DMBT1: variants seen among roughly 807,000 people sequenced by gnomAD.
DMBT1 encodes deleted in malignant brain tumors 1.
In DMBT1, 198 loss-of-function variants were observed where a neutral mutation model predicts 252.9. The ratio of observed to expected loss-of-function variants is 0.78; its 90% confidence interval spans 0.70 to 0.88. The LOEUF is 0.88. Ranked by LOEUF, DMBT1 falls within the 40% of genes least tolerant of loss-of-function variation. The probability of loss-of-function intolerance (pLI) is 0.00; values close to 1 mark genes in which losing one functional copy is unlikely to be tolerated. For missense variants in DMBT1, 2,432 were observed against 2,404.7 expected, an observed-to-expected ratio of 1.01 and a Z score of -0.24; for synonymous variants, 990 against 942.7, an observed-to-expected ratio of 1.05 and a Z score of -0.92.
chr10:122,630,519 G>A, intron 48 of DMBT1, 29 bp downstream of exon 48: 2 of 1,606,408 alleles, frequency 1.2e-6, no homozygotes, highest in Non-Finnish European at 8.5e-7. Flanking sequence ...ATGCCTATGA[G>A]GCTTGGTGGA....
At chr10:122,561,733 C>T (rs1591086231) in intron 1 of DMBT1, among the ~76,000 whole-genome samples, 1 of 151,254 alleles carries the variant, frequency 6.6e-6, no homozygotes, top group Non-Finnish European at 1.5e-5. Flanking sequence ...TCTTCCTCCT[C>T]CTCCCTCTGT....
chr10:122,598,777 C>A lies in DMBT1; in HGVS notation c.2960C>A (p.Ser987Tyr). The A allele has an allele frequency of 1.2e-6, 2 of 1,613,090 alleles. No homozygotes were observed. The part of the protein sequence containing the change: ...TITLPASTVG[S>Y]ESSLALRLVN... ...GGATTCTTGTGTTCCCCTGTAGGAT[C>A]TGAATCCAGTTTGGCCCTGAGGCTG... Residue 987 changes from serine (S) to tyrosine (Y), a missense_variant, in exon 26 of 56, where the codon TCT becomes TAT. This residue lies in a region of DMBT1 where 1,264 missense variants were observed against 1,082.2 expected (regional missense o/e 1.17). Coordinates refer to ENST00000338354, the MANE Select transcript of DMBT1 (RefSeq NM_001377530.1).
intron 1 of DMBT1, among the ~76,000 whole-genome samples, chr10:122,565,043 A>AG (rs397777018): frequency 3.9e-5 from 6 of 151,920 alleles, no homozygotes; most frequent in African/African-American, 1.2e-4. Context: ...CTTAAAAAAA[A>AG]TCTTCTTGAA....
chr10:122,638,337 G>GTTTT, intron 54 of DMBT1, among the ~76,000 whole-genome samples: 1 of 135,348 alleles, frequency 7.4e-6, no homozygotes, highest in African/African-American at 2.9e-5. Flanking sequence ...ACACCCGTTT[G>GTTTT]GAGCGGCCAG....
rs779088156 is a variant in DMBT1 at position 122,599,097 on chromosome 10, G to A, written c.3280G>A (p.Ala1094Thr). ...HSEDAGVICSASQSRPTPSPD... is the reference protein window; with the variant it reads ...HSEDAGVICSTSQSRPTPSPD... ...TGAAGACGCTGGTGTCATCTGCTCA[G>A]GTGGGCCTTCAAGAACTTGGGATCA... Residue 1094 changes from alanine (A) to threonine (T), a missense_variant and splice_region_variant, in exon 26 of 56, where the codon GCT (alanine) becomes ACT (threonine). Transcript: ENST00000338354. 32 of 1,613,722 alleles carry A rather than the reference G, an allele frequency of 2.0e-5. No homozygotes were observed. The highest frequency in any genetic ancestry group is 2.2e-5 in the Non-Finnish European group (26 of 1,179,780).
chr10:122,643,148 C>T lies in DMBT1; in HGVS notation c.7379C>T (p.Pro2460Leu). The T allele has an allele frequency of 1.2e-6, 2 of 1,613,886 alleles. No individual in the cohort carries two copies. Among genetic ancestry groups the T allele is most frequent in the South Asian group, 1.1e-5 (1 of 91,072 alleles). The change falls in exon 56 of 56, where the codon CCC (proline) becomes CTC (leucine). Residue 2460 changes from proline to leucine, a missense_variant. Coordinates refer to ENST00000338354, the MANE Select transcript of DMBT1 (RefSeq NM_001377530.1). Reference sequence around the variant, plus strand: ...TGCGTGAGGGATGACACCTACGGACCCTACTCCTCGCCATCTCTTCGCATT... The same window carrying T: ...TGCGTGAGGGATGACACCTACGGACTCTACTCCTCGCCATCTCTTCGCATT... ...SGCVRDDTYGPYSSPSLRIAR... is the reference protein window; with the variant it reads ...SGCVRDDTYGLYSSPSLRIAR...
chr10:122,617,248 G>T lies in DMBT1; in HGVS notation c.4879G>T (p.Ala1627Ser). 6.2e-7 allele frequency: 1 copy of T among 1,609,766 alleles called. No individual in the cohort carries two copies. The highest frequency in any genetic ancestry group is 8.5e-7 in the Non-Finnish European group (1 of 1,178,888). Residue 1627 changes from alanine (A) to serine (S), a missense_variant, in exon 40 of 56, where the codon GCA becomes TCA. Ala to Ser is a moderately conservative substitution (Grantham distance 99, BLOSUM62 1). Coordinates refer to ENST00000338354, the MANE Select transcript of DMBT1 (RefSeq NM_001377530.1). The stretch of plus-strand genomic sequence containing the variant: ...TACAGACACTTGGCCAACCTCTCGT[G>T]CATCAACAGCAGGTAAACAATCCTC... The part of the protein sequence containing the change: ...PSPDTWPTSR[A>S]STAGSESTLA...
rs1313667278 is a variant in DMBT1 at position 122,594,270 on chromosome 10, A to G, written c.2531-226A>G. The stretch of plus-strand genomic sequence containing the variant: ...GGGGCATCCTCTAACAGATAGAAAG[A>G]TACCCCAGGATTAGAGAAATGGAGG... On this transcript the variant is annotated intron_variant, in intron 21 of 55. Transcript: ENST00000338354. Among the ~76,000 whole-genome samples the G allele has an allele frequency of 1.5e-5, 2 of 133,836 alleles. 1 individual carries two copies. Among genetic ancestry groups the G allele is most frequent in the Non-Finnish European group, 3.4e-5 (2 of 59,056 alleles). The allele number at this position is 133,836 out of a possible 152,430, so 87.8% of individuals were successfully genotyped here.
At chr10:122,623,490 C>T (rs1388485992) in intron 44 of DMBT1, among the ~76,000 whole-genome samples, 4 of 152,190 alleles carry the variant, frequency 2.6e-5, no homozygotes, top group Non-Finnish European at 4.4e-5. Flanking sequence ...ACAGTTGCCA[C>T]AGCTGCTGCA....
At chr10:122,601,068 C>T (rs1430097841) in intron 28 of DMBT1, 45 bp downstream of exon 28, 1 of 729,972 alleles carries the variant, frequency 1.4e-6, no homozygotes, top group Non-Finnish European at 2.2e-6. Context: ...TGTCTCTGGA[C>T]ATATTTTGTG....
intron 45 of DMBT1, 128 bp from the exon 46 acceptor site, chr10:122,625,805 C>A: frequency 1.3e-6 from 1 of 792,496 alleles, no homozygotes; most frequent in Non-Finnish European, 2.2e-6. Flanking sequence ...ACAGTGTAAA[C>A]TGGAATGGTC....
intron 1 of DMBT1, among the ~76,000 whole-genome samples, chr10:122,562,287 G>A (rs1565503475): frequency 6.6e-6 from 1 of 151,850 alleles, no homozygotes; most frequent in Admixed American, 6.6e-5. Flanking sequence ...GGTAACTTCT[G>A]GAACTGTCAC....
chr10:122,591,487 T>C lies in DMBT1; in HGVS notation c.2146T>C (p.Ser716Pro). The C allele has an allele frequency of 6.3e-7, 1 of 1,587,732 alleles. No individual in the cohort carries two copies. Among genetic ancestry groups the C allele is most frequent in the Non-Finnish European group, 8.6e-7 (1 of 1,165,138 alleles). Residue 716 changes from serine to proline, a missense_variant, in exon 19 of 56, where the codon TCG becomes CCG. Physicochemically the swap from Ser to Pro is moderately conservative, Grantham distance 74. Transcript: ENST00000338354. ...SRSTPRPDTLSTITLPPSTVG... is the reference protein window; with the variant it reads ...SRSTPRPDTLPTITLPPSTVG... The stretch of plus-strand genomic sequence containing the variant: ...TTTGTTGCAATTTACAGACACGTTG[T>C]CGACCATCACGTTACCTCCATCGAC...
chr10:122,620,976 A>C, intron 43 of DMBT1, 81 bp from the exon 44 acceptor site: 1 of 1,588,606 alleles, frequency 6.3e-7, no homozygotes. Context: ...GGCCATTAGG[A>C]AGTGCCCTGA....
chr10:122,572,247 AG>A (rs2097670848), intron 4 of DMBT1, 66 bp from the exon 5 acceptor site: 2 of 1,596,048 alleles, frequency 1.3e-6, no homozygotes, highest in Admixed American at 3.3e-5. Context: ...GACCTGAGGA[AG>A]CCATGGACCA....
In DMBT1 at chr10:122,590,577, G is replaced by A; in HGVS notation, c.2108-88G>A. On this transcript the variant is annotated intron_variant, in intron 17 of 55. Coordinates refer to ENST00000338354, the MANE Select transcript of DMBT1 (RefSeq NM_001377530.1). ...TGATGGGGACATAGGGTGGACTGAAGGCGCTACCAGTTTAGTTCCTTGTAC... is the reference window on the plus strand; with the variant it reads ...TGATGGGGACATAGGGTGGACTGAAAGCGCTACCAGTTTAGTTCCTTGTAC... The A allele has an allele frequency of 2.7e-6, 4 of 1,460,864 alleles. 1 individual carries two copies. Among genetic ancestry groups the A allele is most frequent in the Non-Finnish European group, 3.8e-6 (4 of 1,051,250 alleles). The allele number at this position is 1,460,864 out of a possible 1,614,324, so 90.5% of individuals were successfully genotyped here.
rs760842026 is a variant in DMBT1, at chr10:122,643,292, T to C, written c.7523T>C (p.Val2508Ala). 2 of 1,613,874 alleles carry C rather than the reference T, an allele frequency of 1.2e-6. No individual in the cohort carries two copies. Among genetic ancestry groups the C allele is most frequent in the East Asian group, 4.5e-5 (2 of 44,862 alleles). ...TCTTCCCGCTGCTACCGAGGCTGTG[T>C]GTTGAGGTCGAAGAGGGATGTGGGC... is the stretch of plus-strand genomic sequence containing the variant. ...DPSSRCYRGCVLRSKRDVGSY... is the reference protein window; with the variant it reads ...DPSSRCYRGCALRSKRDVGSY... Residue 2508 changes from valine to alanine, a missense_variant, in exon 56 of 56, where the codon GTG (valine) becomes GCG (alanine). Transcript: ENST00000338354.
chr10:122,635,323 T>A (rs1439336322), intron 52 of DMBT1, among the ~76,000 whole-genome samples: 1 of 152,216 alleles, frequency 6.6e-6, no homozygotes, highest in African/African-American at 2.4e-5. Context: ...TTCATGCATA[T>A]TGATTTTATT....
In DMBT1 at chr10:122,579,768, C is replaced by T. The variant is rs778767491; in HGVS notation, c.870C>T (p.Gly290=). 1.2e-5 allele frequency: 19 copies of T among 1,613,792 alleles called. No individual in the cohort carries two copies. The highest frequency in any genetic ancestry group is 4.4e-5 in the South Asian group (4 of 91,068). Residue 290 remains glycine, a synonymous_variant, in exon 10 of 56, where the codon GGC becomes GGT. Coordinates refer to ENST00000338354, the MANE Select transcript of DMBT1 (RefSeq NM_001377530.1). The part of the protein sequence containing the change: ...AMSAPGNAQF[G]QGSGPIVLDD... The stretch of plus-strand genomic sequence containing the variant: ...CAGCCCCAGGAAATGCCCAGTTTGG[C>T]CAGGGCTCAGGACCCATTGTCCTGG...
Sources: allele counts gnomAD v4.1 joint callset (sites outside exome capture counted in the v4.1 genomes callset), GRCh38; gene constraint gnomAD v4.1.1; regional missense constraint gnomAD v4.1.1; transcripts MANE v1.5; gene names NCBI Gene and HGNC (gene_info 2026-07-23, HGNC 2026-07-21).